KDM4C: variants seen among roughly 807,000 people sequenced by gnomAD.
The protein encoded by KDM4C is lysine-specific demethylase 4C.
KDM4C carries 81 observed loss-of-function variants against 129.3 expected under a neutral mutation model. The observed-to-expected ratio is 0.63, with a 90% CI of 0.52 to 0.75. The LOEUF (loss-of-function observed/expected upper bound fraction) is 0.75. KDM4C is among the 30% of genes least tolerant of loss of function. The pLI is 0.00. For synonymous variants in KDM4C, 573 were observed against 456.1 expected (o/e 1.26, Z -3.26); for missense variants, 1,457 against 1,304.0 (o/e 1.12, Z -1.81).
In KDM4C at chr9:7,048,987, T is replaced by A. The variant is rs1829790091; in HGVS notation, c.2316-105T>A. The A allele has an allele frequency of 5.6e-6, 4 of 714,502 alleles. No individual in the cohort carries two copies. The East Asian group carries it at 7.8e-5, about 14-fold the overall frequency. 44.3% of individuals were successfully genotyped at this position (714,502 alleles called of 1,614,324 possible). ...TGTGATGGATTTAGGCTTTTGGCTT[T>A]CTTGCTCATCTGTGTATTTCCCATC... On this transcript the variant is annotated intron_variant, in intron 16 of 21. Coordinates refer to ENST00000381309, the MANE Select transcript of KDM4C (RefSeq NM_015061.6).
At chr9:6,730,894 G>T (rs570202878) in intron 1 of KDM4C, among the ~76,000 whole-genome samples, 26 of 152,300 alleles carry the variant, frequency 1.7e-4, no homozygotes, top group African/African-American at 4.1e-4. Flanking sequence ...CCAAGACTCA[G>T]CTCTTGTTAC....
At chr9:6,932,954 T>G (rs1040712337) in intron 8 of KDM4C, among the ~76,000 whole-genome samples, 5 of 152,242 alleles carry the variant, frequency 3.3e-5, no homozygotes, top group African/African-American at 1.2e-4. Context: ...TAAGTTTTCC[T>G]CTTTGGTGTA....
rs1230651965 is a variant in KDM4C at position 7,110,140 on chromosome 9, T to A, written c.2610+6270T>A. ...TTCTAGACATCTTTGAAACTATCTT[T>A]GTTTTTTTCGCAGTGGGAAATGCCA... On this transcript the variant is annotated intron_variant, in intron 18 of 21. Coordinates refer to ENST00000381309, the MANE Select transcript of KDM4C (RefSeq NM_015061.6). 2.6e-5 allele frequency among the ~76,000 whole-genome samples: 4 copies of A among 152,212 alleles called. No homozygotes were observed. The South Asian group carries it at 8.3e-4, about 32-fold the overall frequency.
chr9:6,725,929 T>C (rs1307825630), intron 1 of KDM4C, among the ~76,000 whole-genome samples: 6 of 144,300 alleles, frequency 4.2e-5, no homozygotes, highest in Non-Finnish European at 3.0e-5. Flanking sequence ...TTTTCTTTCT[T>C]TATTTTTTTT....
intron 15 of KDM4C, among the ~76,000 whole-genome samples, chr9:7,041,795 G>C (rs1365566003): frequency 6.6e-6 from 1 of 151,942 alleles, no homozygotes; most frequent in Non-Finnish European, 1.5e-5. Context: ...CCTTCTGCAG[G>C]GTCTGTTATC....
intron 1 of KDM4C, among the ~76,000 whole-genome samples, chr9:6,786,157 T>C (rs1382646391): frequency 1.3e-5 from 2 of 152,020 alleles, no homozygotes; most frequent in Non-Finnish European, 2.9e-5. Context: ...AACACAGGTG[T>C]AGACAGGGAA....
At chr9:7,135,253 C>A (rs1427574110) in intron 19 of KDM4C, among the ~76,000 whole-genome samples, 3 of 152,088 alleles carry the variant, frequency 2.0e-5, no homozygotes, top group Non-Finnish European at 1.5e-5. Flanking sequence ...TTACGTTTTT[C>A]TTCAAATATA....
intron 8 of KDM4C, among the ~76,000 whole-genome samples, chr9:6,967,281 G>T (rs971568186): frequency 6.6e-6 from 1 of 151,970 alleles, no homozygotes; most frequent in African/African-American, 2.4e-5. Context: ...AATATTAGCC[G>T]GGCTTGGTGG....
At chr9:6,853,143 T>G (rs1839162768) in intron 5 of KDM4C, among the ~76,000 whole-genome samples, 2 of 152,114 alleles carry the variant, frequency 1.3e-5, no homozygotes, top group African/African-American at 4.8e-5. Flanking sequence ...AGTGTTAAAT[T>G]ATTTTAGATC....
At chr9:6,742,169 C>T (rs1372945727) in intron 1 of KDM4C, among the ~76,000 whole-genome samples, 1 of 149,358 alleles carries the variant, frequency 6.7e-6, no homozygotes, top group African/African-American at 2.6e-5. Context: ...GATGAGGTTT[C>T]ACCATGTTAG....
At chr9:6,925,790 A>G (rs1822382202) in intron 8 of KDM4C, 1 of 336,826 alleles carries the variant, frequency 3.0e-6, no homozygotes, top group Non-Finnish European at 4.2e-6. Context: ...TCATGTTTTA[A>G]TTTTGTTTTT....
intron 1 of KDM4C, among the ~76,000 whole-genome samples, chr9:6,776,598 CTTTTTTTTTTTTTTT>C (rs34450311): frequency 9.4e-6 from 1 of 106,196 alleles, no homozygotes; most frequent in Non-Finnish European, 1.9e-5. Context: ...CTCAAACCCA[CTTTTTTTTTTTTTTT>C]TTTTTTTTAA....
intron 8 of KDM4C, among the ~76,000 whole-genome samples, chr9:6,968,196 T>C (rs1831335569): frequency 6.6e-6 from 1 of 152,182 alleles, no homozygotes; most frequent in Non-Finnish European, 1.5e-5. Context: ...GAATGAACAA[T>C]GCCCTGGGTG....
intron 2 of KDM4C, among the ~76,000 whole-genome samples, chr9:6,803,564 C>G (rs536707639): frequency 2.8e-5 from 4 of 143,452 alleles, no homozygotes; most frequent in Middle Eastern, 3.5e-3. Flanking sequence ...GAGCAAAACT[C>G]GGTCTCAAAA....
intron 8 of KDM4C, among the ~76,000 whole-genome samples, chr9:6,912,419 A>G (rs1030609368): frequency 6.6e-6 from 1 of 152,188 alleles, no homozygotes; most frequent in Non-Finnish European, 1.5e-5. Flanking sequence ...CATGCTTCAC[A>G]TAGGCGCTGT....
intron 12 of KDM4C, among the ~76,000 whole-genome samples, chr9:6,997,212 T>G (rs59818636): frequency 0.019 from 2,919 of 152,198 alleles, 88 homozygotes; most frequent in African/African-American, 0.063. Flanking sequence ...GACAGCTGAT[T>G]GGTAAGGGGG....
chr9:6,838,217 A>C (rs568734872), intron 4 of KDM4C, among the ~76,000 whole-genome samples: 3 of 152,158 alleles, frequency 2.0e-5, no homozygotes, highest in East Asian at 3.9e-4. Context: ...AACATTTCTT[A>C]TTCCTTGACG....
Position 7,166,059 on chromosome 9 carries a change from G to T in KDM4C, c.2901+702G>T, listed in dbSNP as rs548872940. Among the ~76,000 whole-genome samples the T allele has an allele frequency of 2.0e-5, 3 of 152,256 alleles. No individual in the cohort carries two copies. In the South Asian group the frequency reaches 6.2e-4, roughly 32 times the overall value. On this transcript the variant is annotated intron_variant, in intron 20 of 21. Transcript: ENST00000381309. The stretch of plus-strand genomic sequence containing the variant: ...GCACGTGCACATTTATATTCCTTCA[G>T]AAAGGTTTTAAAAGGGGACATTTAG...
At chr9:6,743,443 ATGT>A (rs914279479) in intron 1 of KDM4C, among the ~76,000 whole-genome samples, 1 of 152,014 alleles carries the variant, frequency 6.6e-6, no homozygotes, top group South Asian at 2.1e-4. Flanking sequence ...CAGTTATCTT[ATGT>A]TGTTGTTAAC....
Sources: allele counts gnomAD v4.1 joint callset (sites outside exome capture counted in the v4.1 genomes callset), GRCh38; gene constraint gnomAD v4.1.1; transcripts MANE v1.5; gene names NCBI Gene and HGNC (gene_info 2026-07-23, HGNC 2026-07-21).